The following SPAST variants were observed in gnomAD, a reference collection of about 807,000 sequenced individuals.
SPAST encodes the protein spastin.
In SPAST, 30 loss-of-function variants were observed where a neutral mutation model predicts 76.6. The observed-to-expected ratio is 0.39, with a 90% CI of 0.29 to 0.53. The LOEUF (loss-of-function observed/expected upper bound fraction) is 0.53, where lower values mean the gene tolerates loss of function less well. Among genes scored for constraint, SPAST ranks in the 20% least tolerant of loss-of-function variants. The probability of loss-of-function intolerance (pLI) is 0.68; values close to 1 mark genes in which losing one functional copy is unlikely to be tolerated. For synonymous variants in SPAST, 305 were observed against 281.0 expected, an observed-to-expected ratio of 1.09 and a Z score of -0.86; for missense variants, 717 against 770.5, an observed-to-expected ratio of 0.93 and a Z score of 0.82.
intron 11 of SPAST, 35 bp downstream of exon 11, chr2:32,137,003 C>T: frequency 6.7e-7 from 1 of 1,489,446 alleles, no homozygotes; most frequent in Non-Finnish European, 9.2e-7. Context: ...AATGTGGCAG[C>T]ATTTTAGTAT....
At chr2:32,076,101 A>T (rs1322811303) in intron 1 of SPAST, among the ~76,000 whole-genome samples, 1 of 150,780 alleles carries the variant, frequency 6.6e-6, no homozygotes, top group Non-Finnish European at 1.5e-5. Context: ...GGGTTTTGTC[A>T]TGTTGTCCAG....
chr2:32,109,665 C>T (rs1573105943), intron 4 of SPAST, among the ~76,000 whole-genome samples: 1 of 149,446 alleles, frequency 6.7e-6, no homozygotes. Flanking sequence ...TGTCACTCTT[C>T]ATATATTAAT....
At chr2:32,140,445 C>T (rs1025408435) in intron 12 of SPAST, among the ~76,000 whole-genome samples, 1 of 151,886 alleles carries the variant, frequency 6.6e-6, no homozygotes, top group African/African-American at 2.4e-5. Flanking sequence ...CAACATAGTA[C>T]AACCCTGTCT....
At chr2:32,068,858 G>A (rs1184101503) in intron 1 of SPAST, among the ~76,000 whole-genome samples, 1 of 150,104 alleles carries the variant, frequency 6.7e-6, no homozygotes, top group East Asian at 2.0e-4. Context: ...CTCACCCATT[G>A]CACTCCTGCC....
intron 3 of SPAST, among the ~76,000 whole-genome samples, chr2:32,091,962 A>C (rs1677736795): frequency 6.6e-6 from 1 of 152,302 alleles, no homozygotes; most frequent in East Asian, 1.9e-4. Flanking sequence ...TTGACCATTG[A>C]ATTATTAAAG....
chr2:32,100,210 T>C (rs1253291911), intron 4 of SPAST, among the ~76,000 whole-genome samples: 1 of 152,104 alleles, frequency 6.6e-6, no homozygotes, highest in African/African-American at 2.4e-5. Flanking sequence ...CCATCCTAAC[T>C]GGGGTAAGAT....
chr2:32,138,742 A>T (rs1679622244), intron 12 of SPAST, among the ~76,000 whole-genome samples: 1 of 152,198 alleles, frequency 6.6e-6, no homozygotes, highest in South Asian at 2.1e-4. Flanking sequence ...TCTGAGGCTG[A>T]TGTCAAGAAG....
Position 32,136,980 on chromosome 2 carries a change from T to C in SPAST, c.1413+12T>C. ...TAGAATTTGATGGTGTAAGTGTTGA[T>C]TATGATATTTTTAATGTGGCAGCAT... On this transcript the variant is annotated intron_variant, in intron 11 of 16. Coordinates refer to ENST00000315285, the MANE Select transcript of SPAST (RefSeq NM_014946.4). The C allele has an allele frequency of 3.8e-6, 6 of 1,598,286 alleles. No homozygotes were observed. Among genetic ancestry groups the C allele is most frequent in the South Asian group, 1.1e-5 (1 of 90,476 alleles).
Position 32,064,192 on chromosome 2 carries a change from A to G in SPAST, c.361A>G (p.Lys121Glu). The G allele has an allele frequency of 2.6e-6, 4 of 1,551,642 alleles. No homozygotes were observed. The highest frequency in any genetic ancestry group is 3.5e-6 in the Non-Finnish European group (4 of 1,148,394). The change falls in exon 1 of 17, where the codon AAA becomes GAA. Residue 121 changes from lysine to glutamate, a missense_variant. Around this residue, in one of 3 missense-constraint regions of SPAST, gnomAD observed 543 missense variants for 445.2 expected, o/e 1.22. Coordinates refer to ENST00000315285, the MANE Select transcript of SPAST (RefSeq NM_014946.4). ...GGCCGAGCGCGTCCGAGTCTTCCAC[A>G]AACAGGCCTTCGAGTACATCTCCAT... ...GEAERVRVFH[K>E]QAFEYISIAL...
At position 32,064,170 on chromosome 2, in the gene SPAST, C is replaced by G; in HGVS notation, c.339C>G (p.Ala113=). 1 of 1,550,954 alleles carries G rather than the reference C, an allele frequency of 6.4e-7. No individual in the cohort carries two copies. Among genetic ancestry groups the G allele is most frequent in the Non-Finnish European group, 8.7e-7 (1 of 1,148,054 alleles). The stretch of plus-strand genomic sequence containing the variant: ...CGGCGCCGGTGCCGGGCGGCGAGGC[C>G]GAGCGCGTCCGAGTCTTCCACAAAC... ...SAPAPVPGGE[A]ERVRVFHKQA... Residue 113 remains alanine (A), a synonymous_variant, in exon 1 of 17, where the codon GCC becomes GCG. Transcript: ENST00000315285.
intron 4 of SPAST, among the ~76,000 whole-genome samples, chr2:32,101,835 T>A (rs879841119): frequency 3.6e-4 from 55 of 152,212 alleles, no homozygotes; most frequent in Non-Finnish European, 7.5e-4. Flanking sequence ...TTGGTCTATA[T>A]CTCTGTTTTG....
rs1680293099 is a variant in SPAST at position 32,157,573 on chromosome 2, T to C, written c.*3077T>C. On this transcript the variant is annotated 3_prime_UTR_variant, in exon 17 of 17. Coordinates refer to ENST00000315285, the MANE Select transcript of SPAST (RefSeq NM_014946.4). Reference sequence around the variant, plus strand: ...GTACTTTTCTTCAGAAGAAATGAATTAAAGGGTACAGTTGCATAAAGTGGG... The same window carrying C: ...GTACTTTTCTTCAGAAGAAATGAATCAAAGGGTACAGTTGCATAAAGTGGG... The C allele has an allele frequency of 1.3e-5, 2 of 152,634 alleles. No individual in the cohort carries two copies. The highest frequency in any genetic ancestry group is 4.8e-5 in the African/African-American group (2 of 41,462). The allele number at this position is 152,634 out of a possible 1,614,324, so 9.5% of individuals were successfully genotyped here. A position where few individuals can be genotyped will look rare whatever the true frequency, so the allele number is the denominator to read the frequency against.
chr2:32,087,700 T>C (rs1370188641), intron 2 of SPAST, 122 bp downstream of exon 2: 22 of 377,122 alleles, frequency 5.8e-5, no homozygotes, highest in Admixed American at 4.8e-4. Context: ...TTTTCTTTTT[T>C]TTTTTTTTTT....
intron 1 of SPAST, among the ~76,000 whole-genome samples, chr2:32,070,017 G>A (rs1676683657): frequency 6.7e-6 from 1 of 149,970 alleles, no homozygotes; most frequent in African/African-American, 2.5e-5. Flanking sequence ...TTTATATGGT[G>A]ACTATGTTTA....
chr2:32,068,674 C>G (rs925160177), intron 1 of SPAST, among the ~76,000 whole-genome samples: 1 of 152,022 alleles, frequency 6.6e-6, no homozygotes, highest in Non-Finnish European at 1.5e-5. Context: ...CCGTAATATG[C>G]CAAATTAAAT....
chr2:32,103,506 T>C (rs576738197), intron 4 of SPAST, among the ~76,000 whole-genome samples: 1 of 152,290 alleles, frequency 6.6e-6, no homozygotes, highest in East Asian at 1.9e-4. Context: ...TGCCTTCTGC[T>C]AGCTTTTGAA....
At position 32,098,314 on chromosome 2, in the gene SPAST, T is replaced by C. The variant is rs966480128; in HGVS notation, c.587-482T>C. Among the ~76,000 whole-genome samples the C allele has an allele frequency of 3.3e-5, 5 of 151,948 alleles. No individual in the cohort carries two copies. The South Asian group carries it at 6.2e-4, about 19-fold the overall frequency. On this transcript the variant is annotated intron_variant, in intron 3 of 16. Coordinates refer to ENST00000315285, the MANE Select transcript of SPAST (RefSeq NM_014946.4). ...GACCCCGTCTCTACAAAAAATAAAT[T>C]AGCTGGGCATAGTGGTGTCTGTATG... is the stretch of plus-strand genomic sequence containing the variant.
chr2:32,115,810 C>A lies in SPAST; in HGVS notation c.979C>A (p.Leu327Ile). The A allele has an allele frequency of 1.2e-6, 2 of 1,610,048 alleles. No individual in the cohort carries two copies. The highest frequency in any genetic ancestry group is 2.2e-5 in the South Asian group (2 of 90,266). The part of the protein sequence containing the change: ...FRNVDSNLAN[L>I]IMNEIVDNGT... Reference sequence around the variant, plus strand: ...GAATGTGGACAGCAACCTTGCTAACCTTATAATGAATGAAATTGTGGACAA... The same window carrying A: ...GAATGTGGACAGCAACCTTGCTAACATTATAATGAATGAAATTGTGGACAA... Residue 327 changes from leucine to isoleucine, a missense_variant, in exon 6 of 17, where the codon CTT becomes ATT. Leu to Ile is a conservative substitution (Grantham distance 5, BLOSUM62 2). Coordinates refer to ENST00000315285, the MANE Select transcript of SPAST (RefSeq NM_014946.4).
intron 16 of SPAST, among the ~76,000 whole-genome samples, chr2:32,151,158 A>G (rs934127846): frequency 6.6e-6 from 1 of 151,912 alleles, no homozygotes; most frequent in Admixed American, 6.6e-5. Flanking sequence ...GGTCAGGCTG[A>G]TCTGGAACTC....
Sources: gnomAD v4.1 joint callset for allele counts (sites outside exome capture counted in the v4.1 genomes callset) on GRCh38, gnomAD v4.1.1 for gene constraint, gnomAD v4.1.1 regional missense constraint, MANE v1.5 for transcripts, NCBI Gene and HGNC (gene_info 2026-07-23, HGNC 2026-07-21) for gene names.